Variants in METTL24 observed in about 807,000 individuals in gnomAD.
METTL24 encodes the protein probable methyltransferase-like protein 24.
A neutral mutation model predicts 32.7 loss-of-function variants in METTL24; 29 were observed. The observed-to-expected ratio is 0.89, with a 90% CI of 0.66 to 1.21. The LOEUF is 1.21. Ranked by LOEUF, METTL24 falls within the 50% of genes most tolerant of loss-of-function variation. The probability of loss-of-function intolerance (pLI) is 0.00; values close to 1 mark genes in which losing one functional copy is unlikely to be tolerated. For missense variants in METTL24, 439 were observed against 468.1 expected (o/e 0.94, Z 0.57); for synonymous variants, 163 against 179.5 (o/e 0.91, Z 0.73).
intron 4 of METTL24, among the ~76,000 whole-genome samples, chr6:110,285,114 T>C (rs1298601195): frequency 6.6e-6 from 1 of 152,170 alleles, no homozygotes; most frequent in African/African-American, 2.4e-5. Context: ...ACATGGGTGG[T>C]TTTTTCCTGC....
chr6:110,311,468 G>GTTTTTTTT (rs1051868507), intron 3 of METTL24, among the ~76,000 whole-genome samples: 45 of 96,140 alleles, frequency 4.7e-4, no homozygotes, highest in Middle Eastern at 9.1e-3. Context: ...TTCTTTCTTT[G>GTTTTTTTT]TTTTTTTTTT....
At position 110,299,464 on chromosome 6, in the gene METTL24, T is replaced by C. The variant is rs542909716; in HGVS notation, c.558-314A>G. On this transcript the variant is annotated intron_variant, in intron 3 of 4. Transcript: ENST00000338882. ...AGTAGCAATGAAACAAAGAAGACTA[T>C]CCAGTAGTCTTAGATTTTCTTAGAA... 1.2e-3 allele frequency among the ~76,000 whole-genome samples: 177 copies of C among 152,214 alleles called. 1 individual carries two copies. The highest frequency in any genetic ancestry group is 3.9e-3 in the African/African-American group (161 of 41,534).
At chr6:110,354,869 C>G (rs1034271758) in intron 1 of METTL24, among the ~76,000 whole-genome samples, 2 of 151,956 alleles carry the variant, frequency 1.3e-5, no homozygotes, top group Non-Finnish European at 2.9e-5. Context: ...TAATAGCTAG[C>G]GAGAAGGAAA....
chr6:110,253,841 T>C (rs895024705), intron 4 of METTL24: 1 of 1,388,162 alleles, frequency 7.2e-7, no homozygotes, highest in Non-Finnish European at 9.5e-7. Flanking sequence ...TATGAATATA[T>C]TTCCATGTCA....
intron 1 of METTL24, among the ~76,000 whole-genome samples, chr6:110,334,827 T>C (rs1474911941): frequency 1.3e-5 from 2 of 152,250 alleles, no homozygotes; most frequent in Non-Finnish European, 2.9e-5. Context: ...TCTCTTGCCA[T>C]TTGACAATGA....
chr6:110,331,457 A>G (rs974662547), intron 1 of METTL24, among the ~76,000 whole-genome samples: 1 of 152,032 alleles, frequency 6.6e-6, no homozygotes, highest in African/African-American at 2.4e-5. Context: ...TCAGGAGTTC[A>G]AGGCCAGCCT....
chr6:110,257,324 T>G (rs1288485648), intron 4 of METTL24, among the ~76,000 whole-genome samples: 2 of 152,234 alleles, frequency 1.3e-5, no homozygotes, highest in Non-Finnish European at 2.9e-5. Context: ...TAAACTGGAA[T>G]GTTTAGGAAA....
intron 1 of METTL24, among the ~76,000 whole-genome samples, chr6:110,338,767 T>G (rs1772289838): frequency 6.6e-6 from 1 of 152,220 alleles, no homozygotes; most frequent in African/African-American, 2.4e-5. Flanking sequence ...TCATTAAGGT[T>G]AGGTTTTGTC....
chr6:110,314,839 C>T (rs1285811477), intron 3 of METTL24, among the ~76,000 whole-genome samples: 3 of 152,026 alleles, frequency 2.0e-5, no homozygotes, highest in African/African-American at 7.3e-5. Flanking sequence ...GGGTGCATGC[C>T]TGTGGTCCCA....
intron 3 of METTL24, among the ~76,000 whole-genome samples, chr6:110,300,410 C>T (rs916805486): frequency 6.7e-6 from 1 of 149,870 alleles, no homozygotes; most frequent in Admixed American, 6.6e-5. Context: ...AGAGATCATC[C>T]ACCGAGACAT....
In METTL24 at chr6:110,246,131, C is replaced by T; in HGVS notation, c.916G>A (p.Val306Ile). The T allele has an allele frequency of 1.2e-6, 2 of 1,614,210 alleles. No homozygotes were observed. Among genetic ancestry groups the T allele is most frequent in the Non-Finnish European group, 1.7e-6 (2 of 1,180,048 alleles). ...ACAACGCTGCTGTCACTGCCACTGA[C>T]CTCAAACCCAGGCCAGTGGAGATGG... ...EIHLHWPGFE[V>I]SGSDSSVVRF... The change falls in exon 5 of 5, where the codon GTC (valine) becomes ATC (isoleucine). Residue 306 changes from valine to isoleucine, a missense_variant. Transcript: ENST00000338882.
intron 1 of METTL24, among the ~76,000 whole-genome samples, chr6:110,325,732 T>C (rs1027613149): frequency 2.0e-5 from 3 of 152,170 alleles, no homozygotes; most frequent in Non-Finnish European, 4.4e-5. Context: ...TGGAATTTAC[T>C]GGGCAAAAAG....
In METTL24 at chr6:110,298,909, T is replaced by G. The variant is rs778044529; in HGVS notation, c.786+13A>C. The G allele has an allele frequency of 9.9e-6, 16 of 1,611,254 alleles. No individual in the cohort carries two copies. Among genetic ancestry groups the G allele is most frequent in the Non-Finnish European group, 1.4e-5 (16 of 1,177,818 alleles). ...TACTTTATTCAAGTATAAAATCAAATGAAAAACCTCACCTTGTGATGTCCA... is the reference window on the plus strand; with the variant it reads ...TACTTTATTCAAGTATAAAATCAAAGGAAAAACCTCACCTTGTGATGTCCA... On this transcript the variant is annotated intron_variant, in intron 4 of 4. Coordinates refer to ENST00000338882, the MANE Select transcript of METTL24 (RefSeq NM_001123364.3).
At chr6:110,290,363 C>T (rs180737438) in intron 4 of METTL24, among the ~76,000 whole-genome samples, 4 of 152,308 alleles carry the variant, frequency 2.6e-5, no homozygotes, top group Admixed American at 2.6e-4. Flanking sequence ...CCCTAGGCAA[C>T]CACTGATCTG....
At chr6:110,271,390 C>G (rs9384736) in intron 4 of METTL24, among the ~76,000 whole-genome samples, 149,403 of 152,302 alleles carry the variant, frequency 0.98, 73,283 homozygotes, top group East Asian at 1. Flanking sequence ...CCACCTCCCT[C>G]GCACAAGCAA....
At chr6:110,286,520 A>G (rs1771223853) in intron 4 of METTL24, among the ~76,000 whole-genome samples, 1 of 152,146 alleles carries the variant, frequency 6.6e-6, no homozygotes, top group Non-Finnish European at 1.5e-5. Context: ...CCATTCTAAC[A>G]TGAGAGTCTA....
chr6:110,342,571 A>G (rs762688144), intron 1 of METTL24, among the ~76,000 whole-genome samples: 2 of 152,212 alleles, frequency 1.3e-5, no homozygotes, highest in Non-Finnish European at 2.9e-5. Flanking sequence ...ACATGCCACA[A>G]AATTTACTAT....
chr6:110,252,609 A>G (rs1260527451), intron 4 of METTL24, among the ~76,000 whole-genome samples: 1 of 152,236 alleles, frequency 6.6e-6, no homozygotes, highest in African/African-American at 2.4e-5. Flanking sequence ...AAGCATTTTT[A>G]CAATACATCC....
chr6:110,271,327 G>A (rs372868376), intron 4 of METTL24, among the ~76,000 whole-genome samples: 5 of 151,874 alleles, frequency 3.3e-5, no homozygotes, highest in South Asian at 2.1e-4. Flanking sequence ...ATAGGGTCTC[G>A]CTCTGTCGCC....
Sources: allele counts gnomAD v4.1 joint callset (sites outside exome capture counted in the v4.1 genomes callset), GRCh38; gene constraint gnomAD v4.1.1; transcripts MANE v1.5; gene names NCBI Gene and HGNC (gene_info 2026-07-23, HGNC 2026-07-21).